The following SLC14A2 variants were observed in gnomAD, a reference collection of about 807,000 sequenced individuals.
SLC14A2 encodes solute carrier family 14 member 2, also known as urea transporter 2.
A neutral mutation model predicts 104.6 loss-of-function variants in SLC14A2; 91 were observed. That is an observed-to-expected ratio of 0.87 (90% confidence interval 0.73 to 1.04). SLC14A2 has a LOEUF of 1.04. SLC14A2 is among the 50% of genes least tolerant of loss of function. SLC14A2 has a pLI of 0.00. For synonymous variants in SLC14A2, 476 were observed against 466.4 expected, an observed-to-expected ratio of 1.02 and a Z score of -0.27; for missense variants, 1,189 against 1,156.0, an observed-to-expected ratio of 1.03 and a Z score of -0.41.
At chr18:45,553,296 GC>G (rs1161460999) in intron 2 of SLC14A2, among the ~76,000 whole-genome samples, 2 of 152,114 alleles carry the variant, frequency 1.3e-5, no homozygotes, top group South Asian at 4.1e-4. Flanking sequence ...TGATTTTCAG[GC>G]CCCCTATGTC....
At chr18:45,556,732 G>A (rs2044137817) in intron 2 of SLC14A2, among the ~76,000 whole-genome samples, 1 of 152,150 alleles carries the variant, frequency 6.6e-6, no homozygotes, top group Admixed American at 6.5e-5. Context: ...ATCTACCTAT[G>A]ACATTGTATG....
chr18:45,387,718 T>G (rs992047625), intron 1 of SLC14A2, among the ~76,000 whole-genome samples: 1 of 152,218 alleles, frequency 6.6e-6, no homozygotes, highest in Non-Finnish European at 1.5e-5. Flanking sequence ...GTCCACATCA[T>G]GTCTCTTCGA....
chr18:45,378,267 G>A lies in SLC14A2; in HGVS notation c.-124-104966G>A, dbSNP rs142658119. 2.0e-5 allele frequency among the ~76,000 whole-genome samples: 3 copies of A among 152,258 alleles called. No homozygotes were observed. The East Asian group carries it at 5.8e-4, about 29-fold the overall frequency. ...GAATTGAATTGAGTTGAATTGAACTGAACTGAATTGAATTACTGGTAAAGA... is the reference window on the plus strand; with the variant it reads ...GAATTGAATTGAGTTGAATTGAACTAAACTGAATTGAATTACTGGTAAAGA... On this transcript the variant is annotated intron_variant, in intron 1 of 20. Coordinates refer to the SLC14A2 transcript ENST00000586448.
chr18:45,484,781 T>A (rs1471729715), intron 2 of SLC14A2, among the ~76,000 whole-genome samples: 1 of 147,690 alleles, frequency 6.8e-6, no homozygotes, highest in East Asian at 2.0e-4. Context: ...GGTTGGTTGG[T>A]TTTTCTTTTT....
intron 2 of SLC14A2, among the ~76,000 whole-genome samples, chr18:45,603,669 C>A (rs2044823217): frequency 6.6e-6 from 1 of 152,196 alleles, no homozygotes; most frequent in Non-Finnish European, 1.5e-5. Flanking sequence ...CAGCCCCTCC[C>A]AGGATGCCCA....
chr18:45,567,534 T>C (rs1011894463), intron 2 of SLC14A2, among the ~76,000 whole-genome samples: 1 of 152,102 alleles, frequency 6.6e-6, no homozygotes, highest in African/African-American at 2.4e-5. Context: ...AGAGTCAGAG[T>C]GTCCTTTAAA....
At chr18:45,370,120 C>T (rs545381331) in intron 1 of SLC14A2, among the ~76,000 whole-genome samples, 63 of 152,248 alleles carry the variant, frequency 4.1e-4, no homozygotes, top group African/African-American at 1.4e-3. Context: ...TATTCTTTCC[C>T]CATATCAGAG....
chr18:45,300,828 G>A (rs985269595), intron 1 of SLC14A2, among the ~76,000 whole-genome samples: 4 of 152,158 alleles, frequency 2.6e-5, no homozygotes, highest in Non-Finnish European at 5.9e-5. Context: ...GTTAGACCTT[G>A]GATTTCAACC....
At chr18:45,451,698 A>C (rs1418585441) in intron 1 of SLC14A2, among the ~76,000 whole-genome samples, 1 of 152,194 alleles carries the variant, frequency 6.6e-6, no homozygotes, top group Non-Finnish European at 1.5e-5. Context: ...ATTGCACTCC[A>C]ATAAACCATT....
intron 1 of SLC14A2, among the ~76,000 whole-genome samples, chr18:45,395,239 G>A (rs2086016220): frequency 6.6e-6 from 1 of 152,186 alleles, no homozygotes; most frequent in South Asian, 2.1e-4. Flanking sequence ...CTATAATATG[G>A]ATGAGCTTTA....
At chr18:45,236,595 A>G (rs962229848) in intron 1 of SLC14A2, among the ~76,000 whole-genome samples, 8 of 148,816 alleles carry the variant, frequency 5.4e-5, no homozygotes, top group Non-Finnish European at 1.0e-4. Context: ...ATATGGGAAA[A>G]AGTATATATT....
intron 1 of SLC14A2, among the ~76,000 whole-genome samples, chr18:45,448,848 G>T (rs193143897): frequency 6.6e-6 from 1 of 152,152 alleles, no homozygotes; most frequent in South Asian, 2.1e-4. Context: ...TTTTACCCTG[G>T]TGCCTTGCTA....
chr18:45,625,966 ACCCT>A, intron 3 of SLC14A2, 103 bp downstream of exon 3: 5 of 879,756 alleles, frequency 5.7e-6, no homozygotes, highest in Non-Finnish European at 7.9e-6. Flanking sequence ...ATTCACCCTC[ACCCT>A]GGGTGGATCT....
intron 1 of SLC14A2, among the ~76,000 whole-genome samples, chr18:45,427,974 T>C (rs2086459231): frequency 6.6e-6 from 1 of 152,138 alleles, no homozygotes; most frequent in Non-Finnish European, 1.5e-5. Context: ...TCTGAAACAA[T>C]AGGCATGAAA....
At chr18:45,505,633 C>T (rs139340345) in intron 2 of SLC14A2, among the ~76,000 whole-genome samples, 91 of 152,294 alleles carry the variant, frequency 6.0e-4, no homozygotes, top group African/African-American at 2.0e-3. Flanking sequence ...TGGTATAATG[C>T]AAACAGATTT....
chr18:45,233,911 T>C (rs1396055788), intron 1 of SLC14A2, among the ~76,000 whole-genome samples: 1 of 149,030 alleles, frequency 6.7e-6, no homozygotes, highest in African/African-American at 2.5e-5. Context: ...GGGCAAGGAG[T>C]GAGTTTAGAG....
intron 19 of SLC14A2, among the ~76,000 whole-genome samples, chr18:45,679,490 A>G (rs1166117406): frequency 1.3e-5 from 2 of 152,218 alleles, no homozygotes; most frequent in East Asian, 3.9e-4. Context: ...CACGGGCCAC[A>G]GTCTGGGAAC....
At chr18:45,673,630 G>A in intron 17 of SLC14A2, 53 bp from the exon 18 acceptor site, 1 of 1,582,646 alleles carries the variant, frequency 6.3e-7, no homozygotes, top group Non-Finnish European at 8.7e-7. Flanking sequence ...AGGGCCAGCA[G>A]ATGGGCCCCA....
intron 1 of SLC14A2, among the ~76,000 whole-genome samples, chr18:45,297,012 G>T (rs1599652767): frequency 6.6e-6 from 1 of 152,040 alleles, no homozygotes; most frequent in Non-Finnish European, 1.5e-5. Flanking sequence ...CTCTTATTTT[G>T]ATTTAAAGTT....
Sources: gnomAD v4.1 joint callset for allele counts (sites outside exome capture counted in the v4.1 genomes callset) on GRCh38, gnomAD v4.1.1 for gene constraint, MANE v1.5 for transcripts, NCBI Gene and HGNC (gene_info 2026-07-23, HGNC 2026-07-21) for gene names.